The following ST8SIA4 variants were observed in gnomAD, a reference collection of about 807,000 sequenced individuals.
ST8SIA4 encodes the protein ST8 alpha-N-acetyl-neuraminide alpha-2,8-sialyltransferase 4.
ST8SIA4 carries 15 observed loss-of-function variants against 33.9 expected under a neutral mutation model. The ratio of observed to expected loss-of-function variants is 0.44; its 90% confidence interval spans 0.30 to 0.68. ST8SIA4 has a LOEUF of 0.68. Among genes scored for constraint, ST8SIA4 ranks in the 30% least tolerant of loss-of-function variants. ST8SIA4 has a pLI of 0.10. For synonymous variants in ST8SIA4, 171 were observed against 151.2 expected (o/e 1.13, Z -0.96); for missense variants, 321 against 428.0 (o/e 0.75, Z 2.21).
chr5:100,850,838 G>A (rs1021344644), intron 4 of ST8SIA4, among the ~76,000 whole-genome samples: 1 of 151,288 alleles, frequency 6.6e-6, no homozygotes, highest in African/African-American at 2.4e-5. Flanking sequence ...AGACAAAAAG[G>A]ATAGATGAAT....
chr5:100,814,974 T>C (rs907437815), intron 4 of ST8SIA4, among the ~76,000 whole-genome samples: 1 of 151,996 alleles, frequency 6.6e-6, no homozygotes, highest in African/African-American at 2.4e-5. Flanking sequence ...TATTAACTTG[T>C]GTTTCATCCT....
chr5:100,833,024 T>C (rs2112416304), intron 4 of ST8SIA4, among the ~76,000 whole-genome samples: 1 of 152,266 alleles, frequency 6.6e-6, no homozygotes, highest in East Asian at 1.9e-4. Flanking sequence ...AGTCAGGTAA[T>C]ATACATCGTG....
intron 4 of ST8SIA4, among the ~76,000 whole-genome samples, chr5:100,826,582 G>C (rs1751149121): frequency 6.6e-6 from 1 of 152,092 alleles, no homozygotes; most frequent in Non-Finnish European, 1.5e-5. Context: ...CAGGTATTTG[G>C]GGATATGCAA....
At chr5:100,886,641 C>T (rs1752544864) in intron 2 of ST8SIA4, 41 bp from the exon 3 acceptor site, 3 of 1,501,510 alleles carry the variant, frequency 2.0e-6, no homozygotes, top group Non-Finnish European at 2.8e-6. Flanking sequence ...TTACCATCAG[C>T]ATATCCAAGA....
intron 4 of ST8SIA4, among the ~76,000 whole-genome samples, chr5:100,828,504 T>G (rs1280359233): frequency 6.6e-6 from 1 of 152,142 alleles, no homozygotes; most frequent in African/African-American, 2.4e-5. Flanking sequence ...ATCAAAAGCT[T>G]TTCTGTTAGA....
chr5:100,827,021 G>A (rs553979967), intron 4 of ST8SIA4, among the ~76,000 whole-genome samples: 1 of 151,152 alleles, frequency 6.6e-6, no homozygotes, highest in Admixed American at 6.6e-5. Flanking sequence ...CCAAGTTTTT[G>A]TTACCACTTA....
chr5:100,829,087 G>A (rs746647579), intron 4 of ST8SIA4, among the ~76,000 whole-genome samples: 3 of 152,156 alleles, frequency 2.0e-5, no homozygotes, highest in Non-Finnish European at 4.4e-5. Context: ...TATAAACTGC[G>A]AATATTCTGC....
At chr5:100,834,305 A>G (rs1026168613) in intron 4 of ST8SIA4, among the ~76,000 whole-genome samples, 2 of 152,146 alleles carry the variant, frequency 1.3e-5, no homozygotes, top group Non-Finnish European at 1.5e-5. Context: ...AGAAATTAGC[A>G]TTTAGTAAAA....
At chr5:100,889,935 A>T (rs1043529099) in intron 2 of ST8SIA4, among the ~76,000 whole-genome samples, 2 of 151,886 alleles carry the variant, frequency 1.3e-5, no homozygotes, top group African/African-American at 4.8e-5. Flanking sequence ...AACACAAAAA[A>T]CTTAGGCAAA....
intron 4 of ST8SIA4, among the ~76,000 whole-genome samples, chr5:100,819,971 T>A (rs1028490055): frequency 6.6e-6 from 1 of 152,178 alleles, no homozygotes; most frequent in East Asian, 1.9e-4. Context: ...ATTTGTAGTG[T>A]TAATAAAACA....
chr5:100,848,532 A>C (rs1054217925), intron 4 of ST8SIA4, among the ~76,000 whole-genome samples: 20 of 150,284 alleles, frequency 1.3e-4, no homozygotes, highest in African/African-American at 4.9e-4. Flanking sequence ...ACAGAGAAAC[A>C]GCAAGAGAAT....
At chr5:100,822,914 G>A (rs1751058738) in intron 4 of ST8SIA4, among the ~76,000 whole-genome samples, 1 of 152,072 alleles carries the variant, frequency 6.6e-6, no homozygotes, top group Non-Finnish European at 1.5e-5. Flanking sequence ...GGCGGATCAC[G>A]AGGTCAGGAG....
chr5:100,888,092 G>A (rs1236782581), intron 2 of ST8SIA4, among the ~76,000 whole-genome samples: 1 of 151,764 alleles, frequency 6.6e-6, no homozygotes, highest in Non-Finnish European at 1.5e-5. Flanking sequence ...GTAATTAGAG[G>A]AGAGTTCCAA....
chr5:100,881,907 C>G (rs755599636), intron 3 of ST8SIA4, among the ~76,000 whole-genome samples: 5 of 152,334 alleles, frequency 3.3e-5, no homozygotes, highest in Non-Finnish European at 7.3e-5. Context: ...TGAGGCCTCT[C>G]CAGCCATGTG....
intron 3 of ST8SIA4, among the ~76,000 whole-genome samples, chr5:100,873,642 T>C (rs1362668545): frequency 1.3e-5 from 2 of 152,226 alleles, no homozygotes; most frequent in Admixed American, 6.5e-5. Context: ...AGGTTTCTTT[T>C]CTATGAGGAA....
At chr5:100,884,036 G>A (rs1752485061) in intron 3 of ST8SIA4, among the ~76,000 whole-genome samples, 1 of 152,078 alleles carries the variant, frequency 6.6e-6, no homozygotes, top group African/African-American at 2.4e-5. Context: ...TTAGCAATAA[G>A]GTAGATAAAG....
intron 2 of ST8SIA4, 65 bp from the exon 3 acceptor site, chr5:100,886,665 T>C: frequency 7.5e-7 from 1 of 1,326,202 alleles, no homozygotes; most frequent in Non-Finnish European, 1.1e-6. Flanking sequence ...GATGGTGTCA[T>C]TTACAAAGTA....
At chr5:100,889,565 T>G (rs1752614783) in intron 2 of ST8SIA4, among the ~76,000 whole-genome samples, 1 of 151,948 alleles carries the variant, frequency 6.6e-6, no homozygotes, top group African/African-American at 2.4e-5. Context: ...AAAATGGACT[T>G]TCCAATAACA....
chr5:100,812,284 T>C (rs1750832048), intron 4 of ST8SIA4, among the ~76,000 whole-genome samples, 155 bp from the exon 5 acceptor site: 1 of 152,212 alleles, frequency 6.6e-6, no homozygotes, highest in African/African-American at 2.4e-5. Context: ...ATTTAGAAAA[T>C]TTGATGCTTT....
Sources: gnomAD v4.1 joint callset for allele counts (sites outside exome capture counted in the v4.1 genomes callset) on GRCh38, gnomAD v4.1.1 for gene constraint, MANE v1.5 for transcripts, NCBI Gene and HGNC (gene_info 2026-07-23, HGNC 2026-07-21) for gene names.